BRAF: variants seen among roughly 807,000 people sequenced by gnomAD.
BRAF encodes the protein serine/threonine-protein kinase B-raf.
In BRAF, 16 loss-of-function variants were observed where a neutral mutation model predicts 104.6. The observed-to-expected ratio is 0.15, with a 90% CI of 0.10 to 0.23. The LOEUF is 0.23. Ranked by LOEUF, BRAF falls within the 10% of genes least tolerant of loss-of-function variation. The pLI is 1.00. For synonymous variants in BRAF, 310 were observed against 341.6 expected (o/e 0.91, Z 1.02); for missense variants, 541 against 937.3 (o/e 0.58, Z 5.52).
At chr7:140,908,197 T>G (rs576019826) in intron 1 of BRAF, among the ~76,000 whole-genome samples, 52 of 152,354 alleles carry the variant, frequency 3.4e-4, no homozygotes, top group African/African-American at 1.2e-3. Flanking sequence ...GCCAATTGGA[T>G]GCATGCTTGG....
At chr7:140,789,876 G>A (rs1478285129) in intron 8 of BRAF, among the ~76,000 whole-genome samples, 9 of 152,068 alleles carry the variant, frequency 5.9e-5, no homozygotes, top group South Asian at 2.1e-4. Flanking sequence ...GATTACAGGC[G>A]CCTGCCACCA....
intron 19 of BRAF, chr7:140,731,011 T>C (rs925062008): frequency 2.0e-5 from 3 of 151,920 alleles, no homozygotes; most frequent in Non-Finnish European, 4.4e-5. Context: ...TTTCAAGCAG[T>C]TTCTTTTTTT....
intron 3 of BRAF, among the ~76,000 whole-genome samples, chr7:140,827,080 C>T (rs961668125): frequency 6.6e-6 from 1 of 152,064 alleles, no homozygotes; most frequent in African/African-American, 2.4e-5. Context: ...TTTCCTCTAT[C>T]CCCTGTGTTT....
chr7:140,782,885 T>A lies in BRAF; in HGVS notation c.1434+136A>T, dbSNP rs947883832. The A allele has an allele frequency of 9.0e-6, 10 of 1,106,306 alleles. No individual in the cohort carries two copies. The East Asian group carries it at 2.1e-4, about 23-fold the overall frequency. The allele number at this position is 1,106,306 out of a possible 1,614,324, so 68.5% of individuals were successfully genotyped here. A position where few individuals can be genotyped will look rare whatever the true frequency, so the allele number is the denominator to read the frequency against. Reference sequence around the variant, plus strand: ...GAAATATGCTTTAAGCAAAAAACTATCAGTTCTTAAATTTATTTAATTATG... The same window carrying A: ...GAAATATGCTTTAAGCAAAAAACTAACAGTTCTTAAATTTATTTAATTATG... On this transcript the variant is annotated intron_variant, in intron 11 of 19. Transcript: ENST00000644969.
At chr7:140,918,213 G>A (rs10263448) in intron 1 of BRAF, among the ~76,000 whole-genome samples, 45,643 of 152,004 alleles carry the variant, frequency 0.3, 10,942 homozygotes, top group African/African-American at 0.67. Context: ...TATGGTATAG[G>A]GCAGCACTCC....
At chr7:140,715,502 T>TACA (rs1795112335), downstream of BRAF, among the ~76,000 whole-genome samples, 1 of 152,182 alleles carries the variant, frequency 6.6e-6, no homozygotes, top group South Asian at 2.1e-4. Flanking sequence ...GAATACAATC[T>TACA]ACAACAGTGA....
chr7:140,777,038 G>A lies in BRAF; in HGVS notation c.1688C>T (p.Pro563Leu), dbSNP rs2129018485. 1 of 1,613,996 alleles carries A rather than the reference G, an allele frequency of 6.2e-7. No individual in the cohort carries two copies. The highest frequency in any genetic ancestry group is 1.3e-5 in the African/African-American group (1 of 75,020). Residue 563 changes from proline to leucine, a missense_variant, in exon 14 of 20, where the codon CCA becomes CTA. Pro to Leu is a moderately conservative substitution (Grantham distance 98). Around this residue, in one of 10 missense-constraint regions of BRAF, gnomAD observed 7 missense variants for 47.2 expected, o/e 0.15. Coordinates refer to ENST00000644969, the MANE Select transcript of BRAF (RefSeq NM_001374258.1). Reference protein sequence around the residue: ...ILLFMGYSTKPQLAIVTQWCE... With the variant: ...ILLFMGYSTKLQLAIVTQWCE... ...CCACTGGGTAACAATAGCCAGTTGT[G>A]GCTTTGTGGAATAGCCCATGAAGAG...
chr7:140,773,638 C>G (rs1472491941), intron 14 of BRAF, among the ~76,000 whole-genome samples: 1 of 152,180 alleles, frequency 6.6e-6, no homozygotes, highest in African/African-American at 2.4e-5. Flanking sequence ...AGGGATGGAG[C>G]AGTTACCTGG....
At chr7:140,820,675 C>T (rs940358504) in intron 3 of BRAF, among the ~76,000 whole-genome samples, 2 of 152,234 alleles carry the variant, frequency 1.3e-5, no homozygotes, top group Admixed American at 6.5e-5. Context: ...TGCAGTGGTT[C>T]ATGCCTATAA....
intron 1 of BRAF, among the ~76,000 whole-genome samples, chr7:140,867,455 A>G (rs1811091301): frequency 6.6e-6 from 1 of 152,158 alleles, no homozygotes; most frequent in Non-Finnish European, 1.5e-5. Flanking sequence ...GTTCTAGGCA[A>G]TGAAGACAGT....
downstream of BRAF, among the ~76,000 whole-genome samples, chr7:140,714,390 T>C (rs1481176543): frequency 6.6e-6 from 1 of 152,150 alleles, no homozygotes; most frequent in Non-Finnish European, 1.5e-5. Context: ...TTTGTAGAGA[T>C]AGGGTCTGTC....
chr7:140,785,173 G>C (rs1801231352), intron 10 of BRAF, among the ~76,000 whole-genome samples: 2 of 151,424 alleles, frequency 1.3e-5, no homozygotes, highest in African/African-American at 4.9e-5. Context: ...CCATATTGGG[G>C]GAAAGAAAAA....
At chr7:140,792,301 T>C (rs529279905) in intron 8 of BRAF, among the ~76,000 whole-genome samples, 1 of 152,302 alleles carries the variant, frequency 6.6e-6, no homozygotes, top group Admixed American at 6.5e-5. Context: ...ATCAAAGATT[T>C]TTCTAAAATA....
At chr7:140,871,428 A>G (rs1229413192) in intron 1 of BRAF, among the ~76,000 whole-genome samples, 1 of 152,156 alleles carries the variant, frequency 6.6e-6, no homozygotes, top group Non-Finnish European at 1.5e-5. Context: ...CATATTGAGA[A>G]GAAGTACCCA....
chr7:140,809,546 A>C (rs1292543393), intron 3 of BRAF, among the ~76,000 whole-genome samples: 1 of 152,222 alleles, frequency 6.6e-6, no homozygotes, highest in African/African-American at 2.4e-5. Context: ...TAGAAAAGCT[A>C]TCAAGGGTCA....
intron 18 of BRAF, among the ~76,000 whole-genome samples, chr7:140,735,382 C>T (rs772077428): frequency 4.6e-5 from 7 of 152,140 alleles, no homozygotes; most frequent in African/African-American, 1.2e-4. Flanking sequence ...CAGAAATTCA[C>T]AATTTTAAGG....
At chr7:140,907,506 CG>C in intron 1 of BRAF, among the ~76,000 whole-genome samples, 1 of 152,170 alleles carries the variant, frequency 6.6e-6, no homozygotes, top group African/African-American at 2.4e-5. Flanking sequence ...CGTGATCTGT[CG>C]GCCTCAGCCT....
chr7:140,897,587 C>T (rs756679865), intron 1 of BRAF, among the ~76,000 whole-genome samples: 5 of 149,910 alleles, frequency 3.3e-5, no homozygotes, highest in Non-Finnish European at 7.4e-5. Flanking sequence ...CTCTGCCTCC[C>T]GGGTTCAAGC....
intron 2 of BRAF, among the ~76,000 whole-genome samples, chr7:140,841,946 TTTTA>T (rs1808012700): frequency 6.6e-6 from 1 of 152,240 alleles, no homozygotes; most frequent in East Asian, 1.9e-4. Flanking sequence ...GAAATAAAAA[TTTTA>T]TTTTTTATCA....
Sources: gnomAD v4.1 joint callset for allele counts (sites outside exome capture counted in the v4.1 genomes callset) on GRCh38, gnomAD v4.1.1 for gene constraint, gnomAD v4.1.1 regional missense constraint, MANE v1.5 for transcripts, NCBI Gene and HGNC (gene_info 2026-07-23, HGNC 2026-07-21) for gene names.